The following SATL1 variants were observed in gnomAD, a reference collection of about 807,000 sequenced individuals.
The protein encoded by SATL1 is spermidine/spermine N(1)-acetyltransferase-like protein 1.
Under a neutral mutation model 51.8 loss-of-function variants are expected in SATL1, and 47 were observed. The ratio of observed to expected loss-of-function variants is 0.91; its 90% CI spans 0.72 to 1.16. The LOEUF (loss-of-function observed/expected upper bound fraction) is 1.16, where lower values mean the gene tolerates loss of function less well. Ranked by LOEUF, SATL1 falls within the 50% of genes most tolerant of loss-of-function variation. The pLI is 0.00. For synonymous variants in SATL1, 176 were observed against 182.4 expected, an observed-to-expected ratio of 0.97 and a Z score of 0.28; for missense variants, 520 against 526.4, an observed-to-expected ratio of 0.99 and a Z score of 0.12.
At chrX:85,167,772 T>C (rs1448285912) in intron 2 of SATL1, among the ~76,000 whole-genome samples, 1 of 111,226 alleles carries the variant, frequency 9.0e-6, no homozygotes, top group African/African-American at 3.3e-5. Context: ...GAAGAGGGAC[T>C]CATTCTATGA....
At chrX:85,136,073 C>T (rs1160041107) in intron 2 of SATL1, among the ~76,000 whole-genome samples, 1 of 110,216 alleles carries the variant, frequency 9.1e-6, no homozygotes, top group Admixed American at 9.8e-5. Context: ...ACTATTAATA[C>T]ATGTGAGGAT....
At chrX:85,223,867 C>T (rs1450261920) in intron 2 of SATL1, among the ~76,000 whole-genome samples, 2 of 110,944 alleles carry the variant, frequency 1.8e-5, no homozygotes, top group Admixed American at 1.9e-4. Flanking sequence ...ATAGGAGTGA[C>T]TGAAGTAATG....
intron 2 of SATL1, among the ~76,000 whole-genome samples, chrX:85,200,004 C>A (rs1927657038): frequency 9.0e-6 from 1 of 111,431 alleles, no homozygotes; most frequent in African/African-American, 3.3e-5. Flanking sequence ...TGATGGATAC[C>A]CCATTTACCC....
chrX:85,142,467 G>C (rs953262621), intron 2 of SATL1: 2 of 110,255 alleles, frequency 1.8e-5, no homozygotes, highest in African/African-American at 6.6e-5. Flanking sequence ...AGGTAAGCTG[G>C]GTAGATAAAA....
At chrX:85,094,034 A>G (rs1961740971) in intron 6 of SATL1, 94 bp downstream of exon 6, 4 of 451,813 alleles carry the variant, frequency 8.9e-6, no homozygotes, top group Non-Finnish European at 1.5e-5. Flanking sequence ...ACATTAACTA[A>G]AACACCGTAT....
intron 2 of SATL1, among the ~76,000 whole-genome samples, chrX:85,139,554 T>C (rs1366262627): frequency 9.0e-6 from 1 of 111,228 alleles, no homozygotes; most frequent in African/African-American, 3.3e-5. Flanking sequence ...TTTCCTTTTC[T>C]GAGCAAGAAT....
intron 3 of SATL1, among the ~76,000 whole-genome samples, chrX:85,104,377 C>G (rs1924979478): frequency 9.0e-6 from 1 of 111,508 alleles, no homozygotes; most frequent in South Asian, 3.7e-4. Flanking sequence ...TTTACATACT[C>G]AGGTTCTTTC....
chrX:85,213,778 A>T (rs182977031), intron 2 of SATL1, among the ~76,000 whole-genome samples: 36 of 111,837 alleles, frequency 3.2e-4, no homozygotes, highest in Admixed American at 2.9e-3. Context: ...TATATCATCT[A>T]TGAGGACAAG....
intron 1 of SATL1, among the ~76,000 whole-genome samples, chrX:85,235,303 C>CA (rs1210313784): frequency 1.8e-5 from 2 of 110,512 alleles, no homozygotes; most frequent in African/African-American, 3.3e-5. Flanking sequence ...ATCATCCGTA[C>CA]AAAAAATCAA....
At chrX:85,205,285 A>G (rs1927770747) in intron 2 of SATL1, among the ~76,000 whole-genome samples, 1 of 112,419 alleles carries the variant, frequency 8.9e-6, no homozygotes, top group Non-Finnish European at 1.9e-5. Context: ...AATGCCTACT[A>G]TATGCCTAAA....
At chrX:85,143,206 C>T (rs1006708186) in intron 2 of SATL1, among the ~76,000 whole-genome samples, 2 of 112,213 alleles carry the variant, frequency 1.8e-5, no homozygotes, top group South Asian at 3.7e-4. Flanking sequence ...ATACACAATT[C>T]GTGCATGTTC....
At chrX:85,144,929 TG>T (rs1458184676) in intron 2 of SATL1, among the ~76,000 whole-genome samples, 3 of 109,822 alleles carry the variant, frequency 2.7e-5, no homozygotes, top group Non-Finnish European at 5.7e-5. Flanking sequence ...CCCAGGTACT[TG>T]GGGGGCTGAA....
At chrX:85,167,982 A>T (rs1926881119) in intron 2 of SATL1, among the ~76,000 whole-genome samples, 1 of 110,207 alleles carries the variant, frequency 9.1e-6, no homozygotes, top group East Asian at 2.8e-4. Context: ...AACATACACA[A>T]ATCAATAAGT....
chrX:85,197,225 AT>A (rs1321758265), intron 2 of SATL1, among the ~76,000 whole-genome samples: 5 of 111,410 alleles, frequency 4.5e-5, no homozygotes, highest in Non-Finnish European at 9.4e-5. Context: ...TTTAATTTTA[AT>A]TTTTAATTTT....
At chrX:85,139,744 A>G (rs1926061845) in intron 2 of SATL1, among the ~76,000 whole-genome samples, 1 of 111,882 alleles carries the variant, frequency 8.9e-6, no homozygotes, top group Non-Finnish European at 1.9e-5. Flanking sequence ...GTCTTTGTCC[A>G]TAAACAGGTA....
chrX:85,230,058 CAAAT>C (rs763956679), intron 1 of SATL1, among the ~76,000 whole-genome samples: 2 of 111,088 alleles, frequency 1.8e-5, no homozygotes, highest in African/African-American at 6.5e-5. Flanking sequence ...ATTTTTTACA[CAAAT>C]AAAAAATACA....
chrX:85,092,657 CTA>C (rs992902609), intron 7 of SATL1, 96 bp from the exon 8 acceptor site: 8 of 791,265 alleles, frequency 1.0e-5, no homozygotes, highest in Admixed American at 7.1e-5. Context: ...ATGCAAGACA[CTA>C]TGTGTGAATA....
At position 85,151,626 on chromosome X, in the gene SATL1, C is replaced by T. The variant is rs771731882; in HGVS notation, c.-312-42346G>A. On this transcript the variant is annotated intron_variant, in intron 2 of 7. Coordinates refer to ENST00000644105, the MANE Select transcript of SATL1 (RefSeq NM_001367857.2). ...ACCGGTACCAAAACAGAGATATAGA[C>T]CAATGGAACAGAACAGAGCCCTCAG... Among the ~76,000 whole-genome samples the T allele has an allele frequency of 3.6e-3, 402 of 110,750 alleles. 1 individual carries two copies. The highest frequency in any genetic ancestry group is 5.6e-3 in the Non-Finnish European group (296 of 52,878).
intron 2 of SATL1, among the ~76,000 whole-genome samples, chrX:85,136,563 C>T (rs990374724): frequency 8.9e-6 from 1 of 111,865 alleles, no homozygotes; most frequent in East Asian, 2.8e-4. Context: ...TCAAAGGCTG[C>T]AAATGTTCAC....
Sources: allele counts gnomAD v4.1 joint callset (sites outside exome capture counted in the v4.1 genomes callset), GRCh38; gene constraint gnomAD v4.1.1; transcripts MANE v1.5; gene names NCBI Gene and HGNC (gene_info 2026-07-23, HGNC 2026-07-21).